The following GLB1 variants were observed in gnomAD, a reference collection of about 807,000 sequenced individuals.
The protein encoded by GLB1 is galactosidase beta 1, also known as beta-galactosidase.
Under a neutral mutation model 74.0 loss-of-function variants are expected in GLB1, and 56 were observed. The observed-to-expected ratio is 0.76, with a 90% CI of 0.61 to 0.94. GLB1 has a LOEUF of 0.94. GLB1 is among the 40% of genes least tolerant of loss of function. The pLI is 0.00. For missense variants in GLB1, 787 were observed against 845.5 expected, an observed-to-expected ratio of 0.93 and a Z score of 0.86; for synonymous variants, 323 against 323.6, an observed-to-expected ratio of 1.00 and a Z score of 0.02.
chr3:33,010,499 T>C (rs1056637732), intron 15 of GLB1, among the ~76,000 whole-genome samples: 5 of 152,264 alleles, frequency 3.3e-5, no homozygotes, highest in Admixed American at 2.6e-4. Flanking sequence ...TGTCTATTAT[T>C]GAATTGTAAG....
intron 10 of GLB1, among the ~76,000 whole-genome samples, chr3:33,042,981 C>T (rs1397640444): frequency 1.3e-5 from 2 of 152,146 alleles, no homozygotes; most frequent in African/African-American, 4.8e-5. Flanking sequence ...CTATCTGAAG[C>T]CATTGTAGTA....
chr3:33,046,175 C>T lies in GLB1; in HGVS notation c.1013G>A (p.Ser338Asn). The change falls in exon 10 of 16, where the codon AGT becomes AAT. Residue 338 changes from serine to asparagine, a missense_variant. Coordinates refer to ENST00000307363, the MANE Select transcript of GLB1 (RefSeq NM_000404.4). ...PTSYDYDAPL[S>N]EAGDLTEKYF... is the part of the protein sequence containing the mutation. Reference sequence around the variant, plus strand: ...CTTCTCAGTGAGGTCCCCAGCCTCACTCAGTGGGGCATCATAGTCGTAGCT... The same window carrying T: ...CTTCTCAGTGAGGTCCCCAGCCTCATTCAGTGGGGCATCATAGTCGTAGCT... 6.2e-7 allele frequency: 1 copy of T among 1,614,028 alleles called. No homozygotes were observed.
intron 1 of GLB1, chr3:33,096,573 G>T (rs1701038267): frequency 1.9e-6 from 2 of 1,028,950 alleles, no homozygotes. Context: ...GGCCTCTCCT[G>T]ACCCCATTTT....
At chr3:33,087,283 A>G in intron 1 of GLB1, among the ~76,000 whole-genome samples, 1 of 152,052 alleles carries the variant, frequency 6.6e-6, no homozygotes. Context: ...CAAAAACCTC[A>G]AAGAGGCCGG....
chr3:33,007,478 T>C (rs1025654213), intron 15 of GLB1, among the ~76,000 whole-genome samples: 30 of 152,394 alleles, frequency 2.0e-4, no homozygotes, highest in Admixed American at 1.9e-3. Flanking sequence ...CAGTCCTTTG[T>C]GACTGGCGTC....
chr3:33,070,348 A>G (rs1699845511), intron 2 of GLB1, among the ~76,000 whole-genome samples: 1 of 152,112 alleles, frequency 6.6e-6, no homozygotes, highest in Admixed American at 6.5e-5. Flanking sequence ...ATAAATTTCT[A>G]AACTGTCTAT....
intron 6 of GLB1, among the ~76,000 whole-genome samples, chr3:33,056,721 T>C (rs1334145890): frequency 1.3e-5 from 2 of 152,312 alleles, no homozygotes; most frequent in East Asian, 1.9e-4. Context: ...TATAAAAATA[T>C]ACATTTTTCT....
At chr3:32,978,241 G>T in the GLB1 span, among the ~76,000 whole-genome samples, 1 of 152,166 alleles carries the variant, frequency 6.6e-6, no homozygotes, top group South Asian at 2.1e-4. Context: ...TTGGAGGGGG[G>T]CATTTGCCAT....
At chr3:33,035,501 C>T (rs1698235015) in intron 10 of GLB1, among the ~76,000 whole-genome samples, 1 of 151,964 alleles carries the variant, frequency 6.6e-6, no homozygotes, top group African/African-American at 2.4e-5. Context: ...TTGTGTCCTC[C>T]CAAAACTCAT....
At chr3:33,064,354 C>T (rs1379701793) in intron 5 of GLB1, among the ~76,000 whole-genome samples, 9 of 149,262 alleles carry the variant, frequency 6.0e-5, no homozygotes, top group South Asian at 2.1e-4. Context: ...ACAGGAGGGT[C>T]GCCTGAACCT....
chr3:32,979,357 T>A, the GLB1 span, among the ~76,000 whole-genome samples: 1 of 152,198 alleles, frequency 6.6e-6, no homozygotes, highest in Non-Finnish European at 1.5e-5. Context: ...ACACTTTTCA[T>A]CCCTGAGTTT....
At chr3:33,045,831 A>G in intron 10 of GLB1, 1 of 1,068,374 alleles carries the variant, frequency 9.4e-7, no homozygotes, top group East Asian at 5.7e-5. Flanking sequence ...TCCCCGGGTG[A>G]ATTCTCACCA....
intron 15 of GLB1, among the ~76,000 whole-genome samples, chr3:33,013,072 G>T (rs1220764817): frequency 1.3e-5 from 2 of 152,154 alleles, no homozygotes; most frequent in African/African-American, 4.8e-5. Flanking sequence ...GGCCTATAAG[G>T]CCCGTCCCAA....
At chr3:33,059,248 CA>C in intron 5 of GLB1, among the ~76,000 whole-genome samples, 1 of 12,220 alleles carries the variant, frequency 8.2e-5, no homozygotes, top group East Asian at 0.022. Flanking sequence ...AAAACATACA[CA>C]CACACACACA....
At chr3:33,023,370 T>C (rs992267164) in intron 11 of GLB1, among the ~76,000 whole-genome samples, 1 of 152,182 alleles carries the variant, frequency 6.6e-6, no homozygotes. Flanking sequence ...AAGACCACAT[T>C]CTTTGTAGAA....
intron 10 of GLB1, chr3:33,034,449 G>A: frequency 5.5e-6 from 4 of 732,370 alleles, no homozygotes; most frequent in Non-Finnish European, 1.0e-5. Context: ...GATGGCCAGT[G>A]GAAGGAGAGC....
chr3:33,087,579 GCACACA>G (rs57935919), intron 1 of GLB1, among the ~76,000 whole-genome samples: 39,484 of 141,402 alleles, frequency 0.28, 5,893 homozygotes, highest in Middle Eastern at 0.38. Flanking sequence ...CAGCATGCGC[GCACACA>G]CACACACACA....
At chr3:33,096,534 G>A (rs1214714425) in intron 1 of GLB1, 1 of 985,316 alleles carries the variant, frequency 1.0e-6, no homozygotes, top group Non-Finnish European at 1.2e-6. Flanking sequence ...GCACCCAGAG[G>A]GGAAATAACC....
Position 33,093,859 on chromosome 3 carries a change from G to C in GLB1, c.75+3152C>G. On this transcript the variant is annotated intron_variant, in intron 1 of 15. Transcript: ENST00000307363. This position sits in a 1 kb window ranked among gnomAD's most constrained non-coding sequence, Gnocchi z 6.0. ...CAGGAGTAGGCCGCCAAGGAAAAGA[G>C]ATAGGGCTCTTCGGCCACTAAAAAG... is the stretch of plus-strand genomic sequence containing the variant. 6.2e-7 allele frequency: 1 copy of C among 1,613,764 alleles called. No individual in the cohort carries two copies. The highest frequency in any genetic ancestry group is 1.1e-5 in the South Asian group (1 of 91,022).
Sources: gnomAD v4.1 joint callset for allele counts (sites outside exome capture counted in the v4.1 genomes callset) on GRCh38, gnomAD v4.1.1 for gene constraint, Gnocchi (gnomAD v3.1) non-coding constraint, MANE v1.5 for transcripts, NCBI Gene and HGNC (gene_info 2026-07-23, HGNC 2026-07-21) for gene names.